Variants in SLC24A3 observed in about 807,000 individuals in gnomAD.
SLC24A3 encodes the protein solute carrier family 24 member 3.
Under a neutral mutation model 75.8 loss-of-function variants are expected in SLC24A3, and 28 were observed. The ratio of observed to expected loss-of-function variants is 0.37; its 90% CI spans 0.27 to 0.51. The LOEUF is 0.51. SLC24A3 is among the 20% of genes least tolerant of loss of function. SLC24A3 has a pLI of 0.94. For synonymous variants in SLC24A3, 372 were observed against 334.1 expected (o/e 1.11, Z -1.24); for missense variants, 663 against 847.8 (o/e 0.78, Z 2.71).
chr20:19,454,954 G>A (rs963933467), intron 2 of SLC24A3, among the ~76,000 whole-genome samples: 1 of 152,170 alleles, frequency 6.6e-6, no homozygotes, highest in African/African-American at 2.4e-5. Flanking sequence ...TATAGACAGA[G>A]TCTAGGTGAT....
intron 1 of SLC24A3, among the ~76,000 whole-genome samples, chr20:19,227,395 T>TG (rs367992551): frequency 0.05 from 3,938 of 78,444 alleles, 167 homozygotes; most frequent in African/African-American, 0.16. Context: ...TTGTTCATTC[T>TG]TTTTTTTTTT....
At chr20:19,500,057 G>C (rs1458246223) in intron 2 of SLC24A3, among the ~76,000 whole-genome samples, 1 of 152,110 alleles carries the variant, frequency 6.6e-6, no homozygotes, top group Non-Finnish European at 1.5e-5. Flanking sequence ...CTGAACCCTT[G>C]AGTTATATTG....
At chr20:19,595,211 C>T (rs2031436369) in intron 6 of SLC24A3, among the ~76,000 whole-genome samples, 2 of 152,186 alleles carry the variant, frequency 1.3e-5, no homozygotes, top group African/African-American at 4.8e-5. Flanking sequence ...GCAGACACAT[C>T]ACGCATTTTT....
At chr20:19,413,590 A>G (rs1029627221) in intron 2 of SLC24A3, among the ~76,000 whole-genome samples, 2 of 152,132 alleles carry the variant, frequency 1.3e-5, no homozygotes, top group African/African-American at 4.8e-5. Flanking sequence ...TATCAAGAAC[A>G]CCCAGTAATC....
rs753998289 is a variant in SLC24A3 at position 19,280,961 on chromosome 20, C to G, written c.145C>G (p.Leu49Val). The G allele has an allele frequency of 1.2e-6, 2 of 1,613,600 alleles. No homozygotes were observed. The highest frequency in any genetic ancestry group is 2.2e-5 in the East Asian group (1 of 44,854). ...SLSSLREQKE[L>V]DLMDLVGEDR... ...GGTTATTGTCTTTGTCTCCCCAGAG[C>G]TTGACCTCATGGACCTCGTAGGGGA... Residue 49 changes from leucine to valine, a missense_variant and splice_region_variant, in exon 2 of 17, where the codon CTT becomes GTT. Physicochemically the swap from Leu to Val is conservative, Grantham distance 32. Transcript: ENST00000328041.
chr20:19,347,038 G>A (rs6035303), intron 2 of SLC24A3, among the ~76,000 whole-genome samples: 51,497 of 151,982 alleles, frequency 0.34, 9,019 homozygotes, highest in Middle Eastern at 0.53. Context: ...TCAGTGATAT[G>A]AAGAAATGAG....
At chr20:19,304,743 A>G (rs541740599) in intron 2 of SLC24A3, among the ~76,000 whole-genome samples, 1 of 152,334 alleles carries the variant, frequency 6.6e-6, no homozygotes, top group Admixed American at 6.5e-5. Flanking sequence ...GCATGCAAGA[A>G]AATGCTGATT....
At chr20:19,488,304 A>G (rs551750382) in intron 2 of SLC24A3, among the ~76,000 whole-genome samples, 1 of 152,236 alleles carries the variant, frequency 6.6e-6, no homozygotes, top group African/African-American at 2.4e-5. Context: ...CTCTGCGCAC[A>G]TCAGGATTGC....
rs779801151 is a variant in SLC24A3, at chr20:19,654,185, CA to C, written c.687+50del. On this transcript the variant is annotated intron_variant, in intron 7 of 16. Coordinates refer to ENST00000328041, the MANE Select transcript of SLC24A3 (RefSeq NM_020689.4). ...CTCCCATCAGTGCTCTTTTAAGCAC[CA>C]GGGGTGGTGTGAGGCTCCTCCACAT... 2.6e-6 allele frequency: 4 copies of C among 1,565,838 alleles called. No individual in the cohort carries two copies. In the East Asian group the frequency reaches 8.9e-5, roughly 35 times the overall value.
chr20:19,337,765 G>A (rs776453761), intron 2 of SLC24A3, among the ~76,000 whole-genome samples: 1 of 152,164 alleles, frequency 6.6e-6, no homozygotes, highest in Non-Finnish European at 1.5e-5. Context: ...ATCAGCTGGT[G>A]GTTGCTGAGC....
intron 4 of SLC24A3, among the ~76,000 whole-genome samples, chr20:19,583,881 A>G (rs1001652135): frequency 4.6e-5 from 7 of 151,256 alleles, no homozygotes; most frequent in African/African-American, 1.7e-4. Context: ...TCCAGCCGAC[A>G]GCGAAGCGAC....
At chr20:19,710,468 G>A (rs1387836064) in intron 15 of SLC24A3, among the ~76,000 whole-genome samples, 2 of 152,190 alleles carry the variant, frequency 1.3e-5, no homozygotes. Context: ...TGCCAAGAGG[G>A]AATTAGAGAA....
Position 19,379,392 on chromosome 20 carries a change from G to A in SLC24A3, c.271+98305G>A, listed in dbSNP as rs1399113154. ...CCAAGATGCCAGCCACGTGGGATCAGGGTTTTGCTGAGTTTTTTATTTAAG... is the reference window on the plus strand; with the variant it reads ...CCAAGATGCCAGCCACGTGGGATCAAGGTTTTGCTGAGTTTTTTATTTAAG... On this transcript the variant is annotated intron_variant, in intron 2 of 16. Coordinates refer to ENST00000328041, the MANE Select transcript of SLC24A3 (RefSeq NM_020689.4). 1.5e-4 allele frequency among the ~76,000 whole-genome samples: 23 copies of A among 152,136 alleles called. 1 individual carries two copies. The highest frequency in any genetic ancestry group is 4.6e-4 in the Admixed American group (7 of 15,276).
intron 2 of SLC24A3, among the ~76,000 whole-genome samples, chr20:19,291,296 G>C (rs1033549): frequency 6.6e-6 from 1 of 152,022 alleles, no homozygotes; most frequent in African/African-American, 2.4e-5. Context: ...CCAGGCCTGA[G>C]GAGTTTCTCA....
At chr20:19,499,231 G>GATACAT (rs1988348016) in intron 2 of SLC24A3, among the ~76,000 whole-genome samples, 1 of 152,228 alleles carries the variant, frequency 6.6e-6, no homozygotes, top group African/African-American at 2.4e-5. Flanking sequence ...TTATTATGCA[G>GATACAT]ATACATATAC....
intron 6 of SLC24A3, among the ~76,000 whole-genome samples, chr20:19,606,912 G>A (rs1428040201): frequency 1.3e-5 from 2 of 152,132 alleles, no homozygotes; most frequent in African/African-American, 2.4e-5. Flanking sequence ...GACAGTGTGC[G>A]GCCAAGCCAT....
intron 3 of SLC24A3, among the ~76,000 whole-genome samples, chr20:19,573,247 C>T (rs1381498876): frequency 6.6e-6 from 1 of 152,224 alleles, no homozygotes; most frequent in African/African-American, 2.4e-5. Context: ...ATCAACATTC[C>T]AGCTAGAGCC....
At chr20:19,698,775 G>A (rs895044982) in intron 15 of SLC24A3, 95 bp downstream of exon 15, 1 of 941,306 alleles carries the variant, frequency 1.1e-6, no homozygotes, top group Non-Finnish European at 1.7e-6. Context: ...CGGGGAAAAA[G>A]GGGTGTAGAA....
At chr20:19,679,871 G>A (rs2032590122) in intron 9 of SLC24A3, among the ~76,000 whole-genome samples, 2 of 152,150 alleles carry the variant, frequency 1.3e-5, no homozygotes, top group Admixed American at 1.3e-4. Flanking sequence ...GTGTGCATGT[G>A]TGTGTGTGCA....
Sources: allele counts gnomAD v4.1 joint callset (sites outside exome capture counted in the v4.1 genomes callset), GRCh38; gene constraint gnomAD v4.1.1; transcripts MANE v1.5; gene names NCBI Gene and HGNC (gene_info 2026-07-23, HGNC 2026-07-21).